Variants in JAK1 observed in about 807,000 individuals in gnomAD.
JAK1 encodes the protein tyrosine-protein kinase JAK1.
In JAK1, 16 loss-of-function variants were observed where a neutral mutation model predicts 136.6. That is an observed-to-expected ratio of 0.12 (90% CI 0.08 to 0.18). JAK1 has a LOEUF of 0.18. Among genes scored for constraint, JAK1 ranks in the 10% least tolerant of loss-of-function variants. The probability of loss-of-function intolerance (pLI) is 1.00; values close to 1 mark genes in which losing one functional copy is unlikely to be tolerated. For missense variants in JAK1, 859 were observed against 1,450.1 expected (o/e 0.59, Z 6.62); for synonymous variants, 492 against 519.5 (o/e 0.95, Z 0.72).
intron 1 of JAK1, among the ~76,000 whole-genome samples, chr1:64,952,877 C>T (rs1646116312): frequency 6.6e-6 from 1 of 152,152 alleles, no homozygotes; most frequent in Non-Finnish European, 1.5e-5. Flanking sequence ...TTCACAATCC[C>T]ATAAGGTAGG....
At position 64,953,352 on chromosome 1, in the gene JAK1, C is replaced by A. The variant is rs78454192; in HGVS notation, c.-78+12981G>T. 1.1e-3 allele frequency among the ~76,000 whole-genome samples: 171 copies of A among 152,096 alleles called. 1 individual carries two copies. The highest frequency in any genetic ancestry group is 4.0e-3 in the African/African-American group (166 of 41,478). ...TTACAATTGAGAAAAAAATAAGGCT[C>A]AATTATGAGCCCAAAGTCACAGAGC... is the stretch of plus-strand genomic sequence containing the variant. On this transcript the variant is annotated intron_variant, in intron 1 of 24. Coordinates refer to ENST00000342505, the MANE Select transcript of JAK1 (RefSeq NM_002227.4).
chr1:64,934,034 G>A (rs1645744330), intron 1 of JAK1, among the ~76,000 whole-genome samples: 1 of 152,212 alleles, frequency 6.6e-6, no homozygotes, highest in African/African-American at 2.4e-5. Context: ...CTGACAGAAA[G>A]TGACCCAGAA....
At chr1:64,965,043 A>G (rs984288269) in intron 1 of JAK1, among the ~76,000 whole-genome samples, 1 of 152,206 alleles carries the variant, frequency 6.6e-6, no homozygotes, top group Non-Finnish European at 1.5e-5. Context: ...AGATTCAATC[A>G]ATACGAATTG....
At chr1:64,917,453 C>T (rs547915008) in intron 1 of JAK1, among the ~76,000 whole-genome samples, 1 of 152,270 alleles carries the variant, frequency 6.6e-6, no homozygotes, top group South Asian at 2.1e-4. Flanking sequence ...CCCAGGAGCA[C>T]AGAACAGAGC....
Position 64,845,516 on chromosome 1 carries a change from G to A in JAK1, c.2112C>T (p.Tyr704=), listed in dbSNP as rs770800681. The change falls in exon 15 of 25, where the codon TAC becomes TAT. Residue 704 remains tyrosine (Y), a synonymous_variant. Transcript: ENST00000342505. ...VAKQLASALS[Y]LEDKDLVHGN... The stretch of plus-strand genomic sequence containing the variant: ...ATGGACATCAGGACATTCTCACCAA[G>A]TAGCTCAGGGCACTGGCCAGCTGTT... 1.2e-5 allele frequency: 19 copies of A among 1,614,056 alleles called. No homozygotes were observed. Among genetic ancestry groups the A allele is most frequent in the Non-Finnish European group, 1.4e-5 (16 of 1,180,032 alleles).
intron 2 of JAK1, among the ~76,000 whole-genome samples, chr1:64,885,625 C>T (rs567139989): frequency 2.4e-4 from 37 of 152,002 alleles, no homozygotes; most frequent in Middle Eastern, 3.4e-3. Flanking sequence ...TGGTGGCATG[C>T]GCCTGTAATC....
intron 1 of JAK1, among the ~76,000 whole-genome samples, chr1:64,929,285 A>T (rs896800945): frequency 6.6e-6 from 1 of 152,252 alleles, no homozygotes; most frequent in Non-Finnish European, 1.5e-5. Flanking sequence ...TGTAATAAAG[A>T]ATGAAAGTAT....
At chr1:64,933,199 A>C (rs1157039413) in intron 1 of JAK1, among the ~76,000 whole-genome samples, 1 of 152,196 alleles carries the variant, frequency 6.6e-6, no homozygotes, top group Non-Finnish European at 1.5e-5. Context: ...AGGTACAAAG[A>C]AGTTAGGTTT....
At chr1:64,907,830 T>C (rs768409760) in intron 1 of JAK1, among the ~76,000 whole-genome samples, 14 of 152,158 alleles carry the variant, frequency 9.2e-5, no homozygotes, top group Non-Finnish European at 1.9e-4. Context: ...AACGCACATG[T>C]CTCTTTACTA....
At chr1:64,976,326 G>T (rs1018710285) in intron 2 of JAK1, among the ~76,000 whole-genome samples, 2 of 152,186 alleles carry the variant, frequency 1.3e-5, no homozygotes, top group African/African-American at 2.4e-5. Flanking sequence ...ATGGACCCAT[G>T]CATTTTGAGA....
At chr1:64,884,188 AGT>A (rs1414093924) in intron 2 of JAK1, among the ~76,000 whole-genome samples, 3 of 152,192 alleles carry the variant, frequency 2.0e-5, no homozygotes, top group African/African-American at 7.2e-5. Context: ...CCTGGTGAAA[AGT>A]GCGTAAGTAA....
At chr1:64,871,736 A>T (rs1657084110) in intron 5 of JAK1, among the ~76,000 whole-genome samples, 3 of 152,154 alleles carry the variant, frequency 2.0e-5, no homozygotes, top group Admixed American at 2.0e-4. Context: ...TGAACAGCAG[A>T]TCTACTCATT....
intron 4 of JAK1, among the ~76,000 whole-genome samples, chr1:64,874,864 G>C (rs1657298664): frequency 6.6e-6 from 1 of 152,158 alleles, no homozygotes; most frequent in African/African-American, 2.4e-5. Flanking sequence ...CTGAGATGTG[G>C]AGGGCTCTCA....
chr1:64,974,281 T>C (rs1265745491), intron 2 of JAK1: 1 of 152,226 alleles, frequency 6.6e-6, no homozygotes, highest in Non-Finnish European at 1.5e-5. Flanking sequence ...AGATGTCAAC[T>C]TCACTCTCAG....
At chr1:65,028,513 G>A (rs1042161234) in intron 2 of JAK1, among the ~76,000 whole-genome samples, 3 of 149,496 alleles carry the variant, frequency 2.0e-5, no homozygotes, top group African/African-American at 7.3e-5. Flanking sequence ...GGGAGGGAGG[G>A]ACTGGTATAA....
intron 1 of JAK1, among the ~76,000 whole-genome samples, chr1:64,948,119 C>T (rs1315612411): frequency 6.6e-6 from 1 of 152,124 alleles, no homozygotes; most frequent in African/African-American, 2.4e-5. Context: ...CTGAGATCTT[C>T]GATGCAATGC....
At chr1:64,937,608 T>C (rs577569063) in intron 1 of JAK1, among the ~76,000 whole-genome samples, 15 of 152,292 alleles carry the variant, frequency 9.8e-5, no homozygotes, top group South Asian at 4.1e-4. Flanking sequence ...AGTTTCTAAA[T>C]AGGCATTAGT....
chr1:64,927,706 TTCTC>T (rs754974659), intron 1 of JAK1, among the ~76,000 whole-genome samples: 2 of 152,232 alleles, frequency 1.3e-5, no homozygotes, highest in South Asian at 2.1e-4. Context: ...CAAAGTGCCA[TTCTC>T]TCTATTTGGT....
At chr1:65,025,831 C>T (rs904942515) in intron 2 of JAK1, among the ~76,000 whole-genome samples, 6 of 152,090 alleles carry the variant, frequency 3.9e-5, no homozygotes, top group African/African-American at 1.4e-4. Flanking sequence ...GTGCATACCA[C>T]CATGCCTGGC....
Sources: gnomAD v4.1 joint callset for allele counts (sites outside exome capture counted in the v4.1 genomes callset) on GRCh38, gnomAD v4.1.1 for gene constraint, MANE v1.5 for transcripts, NCBI Gene and HGNC (gene_info 2026-07-23, HGNC 2026-07-21) for gene names.